ZNF595: variants seen among roughly 807,000 people sequenced by gnomAD.
The protein encoded by ZNF595 is zinc finger protein 595.
In ZNF595, 9 loss-of-function variants were observed where a neutral mutation model predicts 19.4. That is an observed-to-expected ratio of 0.46 (90% confidence interval 0.28 to 0.81). ZNF595 has a LOEUF of 0.81. Among genes scored for constraint, ZNF595 ranks in the 30% least tolerant of loss-of-function variants. The probability of loss-of-function intolerance (pLI) is 0.11; values close to 1 mark genes in which losing one functional copy is unlikely to be tolerated. For synonymous variants in ZNF595, 255 were observed against 255.9 expected (o/e 1.00, Z 0.03); for missense variants, 729 against 736.0 (o/e 0.99, Z 0.11).
rs541672189 is a variant in ZNF595 at position 73,762 on chromosome 4, T to C, written c.227-11969T>C. 1.4e-4 allele frequency among the ~76,000 whole-genome samples: 22 copies of C among 152,278 alleles called. No individual in the cohort carries two copies. The East Asian group carries it at 4.2e-3, about 29-fold the overall frequency. The stretch of plus-strand genomic sequence containing the variant: ...AAGTTTTTTCATTAAGTTCTGTGAG[T>C]AGTTTTATCAAATCCTTTAACTTGA... On this transcript the variant is annotated intron_variant, in intron 3 of 3. Transcript: ENST00000610261.
chr4:62,038 C>T (rs1414615530), intron 3 of ZNF595, among the ~76,000 whole-genome samples: 2 of 128,296 alleles, frequency 1.6e-5, no homozygotes, highest in Non-Finnish European at 1.6e-5. Context: ...CACTTGAGGT[C>T]TACTGTTGTA....
intron 3 of ZNF595, among the ~76,000 whole-genome samples, chr4:61,203 GA>G (rs1581323053): frequency 6.6e-6 from 1 of 152,244 alleles, no homozygotes; most frequent in Non-Finnish European, 1.5e-5. Flanking sequence ...ACCAAGGCTG[GA>G]GTGCAGTGGC....
intron 3 of ZNF595, among the ~76,000 whole-genome samples, chr4:72,473 C>A (rs1713470950): frequency 6.6e-6 from 1 of 152,122 alleles, no homozygotes; most frequent in Non-Finnish European, 1.5e-5. Flanking sequence ...GCCAAAACAT[C>A]AGTTTCTTTT....
At position 86,998 on chromosome 4, in the gene ZNF595, T is replaced by G; in HGVS notation, c.1494T>G (p.His498Gln). 6.2e-7 allele frequency: 1 copy of G among 1,613,562 alleles called. No individual in the cohort carries two copies. Among genetic ancestry groups the G allele is most frequent in the Non-Finnish European group, 8.5e-7 (1 of 1,179,886 alleles). The change falls in exon 4 of 4, where the codon CAT becomes CAG. Residue 498 changes from histidine (H) to glutamine (Q), a missense_variant. By Grantham distance (24) the His-to-Gln change is conservative (BLOSUM62 0). Coordinates refer to ENST00000610261, the MANE Select transcript of ZNF595 (RefSeq NM_182524.4). ...TATGGTCCGCAAGCCTGAATGAACA[T>G]AAGAATATTCATACTGGAGAGAAAC... ...AFIWSASLNEHKNIHTGEKPY... is the reference protein window; with the variant it reads ...AFIWSASLNEQKNIHTGEKPY...
At chr4:59,116 C>T (rs1054675489) in intron 1 of ZNF595, among the ~76,000 whole-genome samples, 4,964 of 121,460 alleles carry the variant, frequency 0.041, no homozygotes, top group Non-Finnish European at 0.069. Flanking sequence ...ACAGTGAGGC[C>T]AGGGTCAAGC....
intron 3 of ZNF595, among the ~76,000 whole-genome samples, chr4:60,851 T>A (rs1218235760): frequency 2.6e-4 from 40 of 151,314 alleles, no homozygotes; most frequent in Non-Finnish European, 2.8e-4. Context: ...TTGTATAAAC[T>A]GAAATTTGTA....
chr4:66,254 A>G (rs1361387698), intron 3 of ZNF595, among the ~76,000 whole-genome samples: 2 of 151,168 alleles, frequency 1.3e-5, no homozygotes, highest in Non-Finnish European at 2.9e-5. Flanking sequence ...TCTAAAGATT[A>G]GAATTTTTTT....
rs782333439 is a variant in ZNF595, at chr4:87,038, G to T, written c.1534G>T (p.Glu512Ter). 2 of 1,613,564 alleles carry T rather than the reference G, an allele frequency of 1.2e-6. No homozygotes were observed. The change falls in exon 4 of 4, where the codon GAA (glutamate) becomes TAA (stop). Residue 512 changes from glutamate (E) to a stop codon, truncating the protein, a stop_gained. Transcript: ENST00000610261. LOFTEE classifies it high-confidence loss of function. ...TGGAGAGAAACCCTACAAATGTAAA[G>T]AATGTGGCAAAGCTTTTAACCAATC... ...HTGEKPYKCK[E>*]CGKAFNQSSG...
At chr4:54,984 C>T (rs1331925567) in intron 1 of ZNF595, among the ~76,000 whole-genome samples, 5 of 151,526 alleles carry the variant, frequency 3.3e-5, no homozygotes, top group Non-Finnish European at 7.4e-5. Flanking sequence ...CAGGTTCACG[C>T]CATTCTCCTA....
At chr4:55,142 C>T (rs1712574401) in intron 1 of ZNF595, among the ~76,000 whole-genome samples, 1 of 152,054 alleles carries the variant, frequency 6.6e-6, no homozygotes, top group African/African-American at 2.4e-5. Flanking sequence ...CCGCCTCGGC[C>T]TGCCAAAGTG....
chr4:64,741 G>A (rs1581328668), intron 3 of ZNF595, among the ~76,000 whole-genome samples: 1 of 152,302 alleles, frequency 6.6e-6, no homozygotes, highest in Non-Finnish European at 1.5e-5. Flanking sequence ...CAGAGATTTG[G>A]ACAGTCATGG....
intron 3 of ZNF595, among the ~76,000 whole-genome samples, chr4:61,234 A>G (rs1030622929): frequency 0.023 from 3,141 of 136,616 alleles, no homozygotes; most frequent in East Asian, 0.065. Context: ...GCTCACTGCA[A>G]CCTCTGCTGC....
At chr4:66,630 G>T (rs1713123217) in intron 3 of ZNF595, among the ~76,000 whole-genome samples, 1 of 151,034 alleles carries the variant, frequency 6.6e-6, no homozygotes, top group Admixed American at 6.6e-5. Context: ...TATGGTTCAG[G>T]GGAAGGATCC....
intron 3 of ZNF595, among the ~76,000 whole-genome samples, chr4:69,516 A>G (rs1354399611): frequency 1.3e-5 from 2 of 152,094 alleles, no homozygotes; most frequent in African/African-American, 4.8e-5. Flanking sequence ...CTCGTCATAT[A>G]CCTTTTTGTT....
intron 1 of ZNF595, among the ~76,000 whole-genome samples, chr4:57,311 G>A (rs1233493826): frequency 5.9e-5 from 9 of 152,330 alleles, no homozygotes; most frequent in Non-Finnish European, 1.0e-4. Context: ...TGTTACTGGA[G>A]TAGAGTACTT....
At chr4:82,019 T>C (rs1309788279) in intron 3 of ZNF595, among the ~76,000 whole-genome samples, 2 of 152,188 alleles carry the variant, frequency 1.3e-5, no homozygotes, top group Non-Finnish European at 2.9e-5. Context: ...TGTAAGAGTG[T>C]GTATTTTTCC....
intron 3 of ZNF595, among the ~76,000 whole-genome samples, chr4:66,872 T>A (rs1713139740): frequency 1.3e-5 from 2 of 151,850 alleles, no homozygotes; most frequent in South Asian, 4.2e-4. Context: ...ACGTTGTGCA[T>A]GTAACTTTGT....
At position 87,153 on chromosome 4, in the gene ZNF595, C is replaced by T; in HGVS notation, c.1649C>T (p.Ala550Val). ...GGCAAAGCCTTTACTCGGTCCACAG[C>T]CCTGAATGAACATAAGAAAATTCAT... ...ECGKAFTRST[A>V]LNEHKKIHSG... The change falls in exon 4 of 4, where the codon GCC becomes GTC. Residue 550 changes from alanine to valine, a missense_variant. Physicochemically the swap from Ala to Val is moderately conservative, Grantham distance 64. Around this residue, in one of 2 missense-constraint regions of ZNF595, gnomAD observed 729 missense variants for 675.3 expected, o/e 1.08. Transcript: ENST00000610261. 1 of 1,613,836 alleles carries T rather than the reference C, an allele frequency of 6.2e-7. No homozygotes were observed. The highest frequency in any genetic ancestry group is 1.3e-5 in the African/African-American group (1 of 74,934).
Position 87,541 on chromosome 4 carries a change from C to G in ZNF595, c.*90C>G. ...TCCCATATAAACTTGTATTATTTTTCTTATTTTAAATTTTTTAAAATTTCT... is the reference window on the plus strand; with the variant it reads ...TCCCATATAAACTTGTATTATTTTTGTTATTTTAAATTTTTTAAAATTTCT... On this transcript the variant is annotated 3_prime_UTR_variant, in exon 4 of 4. Coordinates refer to ENST00000610261, the MANE Select transcript of ZNF595 (RefSeq NM_182524.4). The G allele has an allele frequency of 1.6e-6, 2 of 1,268,254 alleles. No homozygotes were observed. The highest frequency in any genetic ancestry group is 4.5e-5 in the South Asian group (2 of 44,106). 78.6% of individuals were successfully genotyped at this position (1,268,254 alleles called of 1,614,324 possible). A position where few individuals can be genotyped will look rare whatever the true frequency, so the allele number is the denominator to read the frequency against.
Sources: allele counts gnomAD v4.1 joint callset (sites outside exome capture counted in the v4.1 genomes callset), GRCh38; gene constraint gnomAD v4.1.1; regional missense constraint gnomAD v4.1.1; transcripts MANE v1.5; gene names NCBI Gene and HGNC (gene_info 2026-07-23, HGNC 2026-07-21).